The following STX8 variants were observed in gnomAD, a reference collection of about 807,000 sequenced individuals.
The protein encoded by STX8 is syntaxin-8.
A neutral mutation model predicts 37.5 loss-of-function variants in STX8; 23 were observed. The ratio of observed to expected loss-of-function variants is 0.61; its 90% CI spans 0.44 to 0.87. The LOEUF (loss-of-function observed/expected upper bound fraction) is 0.87. STX8 is among the 40% of genes least tolerant of loss of function. The pLI is 0.00. For missense variants in STX8, 313 were observed against 284.7 expected (o/e 1.10, Z -0.71); for synonymous variants, 115 against 99.1 (o/e 1.16, Z -0.95).
rs375298362 is a variant in STX8 at position 9,575,648 on chromosome 17, C to G, written c.17+144G>C. On this transcript the variant is annotated intron_variant, in intron 1 of 7. Transcript: ENST00000306357. Reference sequence around the variant, plus strand: ...CCAAGTGTGGCGGGATGTGGCTGAGCCCCCTCAGTAAAGGAAAGGTCTCGC... The same window carrying G: ...CCAAGTGTGGCGGGATGTGGCTGAGGCCCCTCAGTAAAGGAAAGGTCTCGC... 15 of 998,664 alleles carry G rather than the reference C, an allele frequency of 1.5e-5. No individual in the cohort carries two copies. In the African/African-American group the frequency reaches 2.4e-4, roughly 16 times the overall value. The allele number at this position is 998,664 out of a possible 1,614,324, so 61.9% of individuals were successfully genotyped here.
intron 4 of STX8, among the ~76,000 whole-genome samples, chr17:9,515,889 A>G (rs937341972): frequency 6.6e-5 from 10 of 152,158 alleles, no homozygotes; most frequent in African/African-American, 2.4e-4. Context: ...TTTCTTCTCT[A>G]TAATAATTAT....
At chr17:9,287,010 T>C (rs375129179) in intron 7 of STX8, among the ~76,000 whole-genome samples, 2 of 152,168 alleles carry the variant, frequency 1.3e-5, no homozygotes, top group East Asian at 3.8e-4. Context: ...ATGATGTATG[T>C]CATGTGTTGA....
rs184563915 is a variant in STX8, at chr17:9,349,643, A to C, written c.643+28909T>G. Among the ~76,000 whole-genome samples, 1,387 of 152,118 alleles carry C rather than the reference A, an allele frequency of 9.1e-3. 19 individuals carry two copies. Among genetic ancestry groups the C allele is most frequent in the African/African-American group, 0.031 (1,294 of 41,488 alleles). ...GGCTGATAAAGTTAATTTCTAAGTT[A>C]GGCACAGTAAGAGATTAACAACCAT... On this transcript the variant is annotated intron_variant, in intron 7 of 7. Coordinates refer to ENST00000306357, the MANE Select transcript of STX8 (RefSeq NM_004853.3).
chr17:9,356,146 T>C (rs1393148180), intron 7 of STX8, among the ~76,000 whole-genome samples: 1 of 152,168 alleles, frequency 6.6e-6, no homozygotes, highest in Non-Finnish European at 1.5e-5. Context: ...TTACTTAATA[T>C]GTAGGTGGTA....
intron 6 of STX8, among the ~76,000 whole-genome samples, chr17:9,414,034 C>T (rs2142338074): frequency 1.4e-5 from 2 of 139,294 alleles, no homozygotes; most frequent in African/African-American, 5.5e-5. Flanking sequence ...ATCCATCCAA[C>T]CATCTATCTG....
intron 6 of STX8, among the ~76,000 whole-genome samples, chr17:9,422,090 C>G (rs1913453284): frequency 6.6e-6 from 1 of 151,652 alleles, no homozygotes; most frequent in Non-Finnish European, 1.5e-5. Context: ...ATAATTTACC[C>G]AGTCTCGGGT....
intron 4 of STX8, among the ~76,000 whole-genome samples, chr17:9,515,288 C>T (rs905978711): frequency 2.0e-4 from 30 of 152,128 alleles, no homozygotes; most frequent in African/African-American, 5.8e-4. Context: ...ATTAATTTCA[C>T]TTTTAGTTTA....
chr17:9,496,406 ATCATG>A (rs139787590), intron 5 of STX8, among the ~76,000 whole-genome samples: 1,805 of 152,152 alleles, frequency 0.012, 37 homozygotes, highest in African/African-American at 0.041. Context: ...CAAAACTACC[ATCATG>A]TCATAACTGC....
chr17:9,360,340 T>C (rs1158245426), intron 7 of STX8, among the ~76,000 whole-genome samples: 1 of 150,588 alleles, frequency 6.6e-6, no homozygotes, highest in African/African-American at 2.5e-5. Flanking sequence ...GTTCAAGCGA[T>C]TCTCCTGCCT....
chr17:9,317,545 C>G (rs1043681533), intron 7 of STX8, among the ~76,000 whole-genome samples: 3 of 152,244 alleles, frequency 2.0e-5, no homozygotes, highest in Admixed American at 2.0e-4. Context: ...GCGGGCAGAT[C>G]ACAAGGGCAG....
intron 7 of STX8, among the ~76,000 whole-genome samples, chr17:9,291,851 C>A (rs1054750438): frequency 4.6e-5 from 7 of 152,316 alleles, no homozygotes; most frequent in Non-Finnish European, 1.0e-4. Flanking sequence ...GCTAGCCAGT[C>A]TTTATTGCTT....
chr17:9,431,234 TTTC>T (rs1913958952), intron 6 of STX8, among the ~76,000 whole-genome samples: 1 of 129,394 alleles, frequency 7.7e-6, no homozygotes, highest in African/African-American at 2.6e-5. Flanking sequence ...TTGTTTTATT[TTTC>T]TGTTTTTTTT....
At chr17:9,544,357 T>C (rs971319439) in intron 4 of STX8, among the ~76,000 whole-genome samples, 1 of 152,136 alleles carries the variant, frequency 6.6e-6, no homozygotes, top group African/African-American at 2.4e-5. Flanking sequence ...CCTCCAGGTC[T>C]TCCAGCAGAA....
In STX8 at chr17:9,261,910, ATCTTG is replaced by A. The variant is rs1370698328; in HGVS notation, c.644-11270_644-11266del. On this transcript the variant is annotated intron_variant, in intron 7 of 7. Coordinates refer to ENST00000306357, the MANE Select transcript of STX8 (RefSeq NM_004853.3). Reference sequence around the variant, plus strand: ...GACAGTCAGGAACTCTGTTACGGATATCTTGTTTTGACAATTCCCTCTTGACTGTC... The same window carrying A: ...GACAGTCAGGAACTCTGTTACGGATATTTTGACAATTCCCTCTTGACTGTC... Among the ~76,000 whole-genome samples the A allele has an allele frequency of 3.9e-5, 6 of 152,228 alleles. 1 individual carries two copies. Among genetic ancestry groups the A allele is most frequent in the African/African-American group, 1.4e-4 (6 of 41,468 alleles).
chr17:9,568,336 C>T (rs1180686311), intron 2 of STX8, 35 bp downstream of exon 2: 2 of 1,556,920 alleles, frequency 1.3e-6, no homozygotes, highest in Non-Finnish European at 1.8e-6. Flanking sequence ...AAAACTCAAA[C>T]AAATCATTGG....
chr17:9,524,753 C>T (rs1905493711), intron 4 of STX8, among the ~76,000 whole-genome samples: 1 of 149,128 alleles, frequency 6.7e-6, no homozygotes, highest in South Asian at 2.2e-4. Context: ...AAGATGGACA[C>T]CTATTTTGAT....
chr17:9,447,573 C>T lies in STX8; in HGVS notation c.541+44256G>A, dbSNP rs530923852. 1.1e-4 allele frequency among the ~76,000 whole-genome samples: 17 copies of T among 152,204 alleles called. No homozygotes were observed. In the East Asian group the frequency reaches 3.3e-3, roughly 30 times the overall value. ...CAGTAGCTGGGATTACAGGCACCTG[C>T]CACCATACCCAGCTAATTTCTGTAT... On this transcript the variant is annotated intron_variant, in intron 6 of 7. Transcript: ENST00000306357.
At chr17:9,404,982 A>G (rs1331235440) in intron 6 of STX8, among the ~76,000 whole-genome samples, 2 of 146,632 alleles carry the variant, frequency 1.4e-5, no homozygotes, top group Non-Finnish European at 3.0e-5. Flanking sequence ...CACATCCCCA[A>G]TTTTTTTTTT....
At chr17:9,515,840 G>A (rs556231984) in intron 4 of STX8, among the ~76,000 whole-genome samples, 7 of 152,128 alleles carry the variant, frequency 4.6e-5, no homozygotes, top group Non-Finnish European at 1.0e-4. Flanking sequence ...CTTACTTTAT[G>A]CCATTGGCAC....
Sources: gnomAD v4.1 joint callset for allele counts (sites outside exome capture counted in the v4.1 genomes callset) on GRCh38, gnomAD v4.1.1 for gene constraint, MANE v1.5 for transcripts, NCBI Gene and HGNC (gene_info 2026-07-23, HGNC 2026-07-21) for gene names.